Variants in KDM3A observed in about 807,000 individuals in gnomAD.
The protein encoded by KDM3A is lysine demethylase 3A, also known as lysine-specific demethylase 3A.
A neutral mutation model predicts 158.0 loss-of-function variants in KDM3A; 60 were observed. The observed-to-expected ratio is 0.38, with a 90% CI of 0.31 to 0.47. The LOEUF (loss-of-function observed/expected upper bound fraction) is 0.47, where lower values mean the gene tolerates loss of function less well. Among genes scored for constraint, KDM3A ranks in the 20% least tolerant of loss-of-function variants. The pLI is 0.99. For missense variants in KDM3A, 1,319 were observed against 1,574.3 expected (o/e 0.84, Z 2.74); for synonymous variants, 608 against 549.3 (o/e 1.11, Z -1.49).
intron 8 of KDM3A, among the ~76,000 whole-genome samples, chr2:86,463,095 CAAAA>C (rs751748182): frequency 6.6e-6 from 1 of 151,966 alleles, no homozygotes; most frequent in African/African-American, 2.4e-5. Context: ...GTCTCAAAAA[CAAAA>C]AACAAAACAG....
At chr2:86,458,234 A>G (rs1459605641) in intron 8 of KDM3A, among the ~76,000 whole-genome samples, 1 of 152,200 alleles carries the variant, frequency 6.6e-6, no homozygotes, top group Non-Finnish European at 1.5e-5. Flanking sequence ...GAGTCTGTGT[A>G]GCTAGGATGG....
At position 86,443,449 on chromosome 2, in the gene KDM3A, AAGG is replaced by A. The variant is rs1340304300; in HGVS notation, c.186+1222_186+1224del. On this transcript the variant is annotated intron_variant, in intron 2 of 25. Coordinates refer to ENST00000312912, the MANE Select transcript of KDM3A (RefSeq NM_018433.6). ...GTGTTGTGCCTTGTCTCTTGTTGAAAAGGAGGAGTGACCGAAGAGCATTTAACC... is the reference window on the plus strand; with the variant it reads ...GTGTTGTGCCTTGTCTCTTGTTGAAAAGGAGTGACCGAAGAGCATTTAACC... 3 of 152,174 alleles carry A rather than the reference AAGG, an allele frequency of 2.0e-5. No individual in the cohort carries two copies. The South Asian group carries it at 6.2e-4, about 32-fold the overall frequency. 9.4% of individuals were successfully genotyped at this position (152,174 alleles called of 1,614,324 possible).
chr2:86,480,479 C>A, intron 16 of KDM3A, 117 bp downstream of exon 16: 1 of 796,378 alleles, frequency 1.3e-6, no homozygotes, highest in Non-Finnish European at 1.9e-6. Context: ...TGGAGTCATC[C>A]TGGAACCTGC....
chr2:86,478,146 T>G, intron 13 of KDM3A, 24 bp from the exon 14 acceptor site: 3 of 1,610,136 alleles, frequency 1.9e-6, no homozygotes, highest in South Asian at 2.2e-5. Flanking sequence ...TAAAGAACAG[T>G]TACTACAAAT....
At position 86,466,719 on chromosome 2, in the gene KDM3A, C is replaced by T. The variant is rs914451580; in HGVS notation, c.1355C>T (p.Ala452Val). 2 of 1,613,782 alleles carry T rather than the reference C, an allele frequency of 1.2e-6. No individual in the cohort carries two copies. Among genetic ancestry groups the T allele is most frequent in the Non-Finnish European group, 1.7e-6 (2 of 1,179,874 alleles). ...CCTTCCCCATCGGATGTTTCAAATG[C>T]ACCAGAAGTGAAAGCAGGTGTCAAT... The part of the protein sequence containing the change: ...HAPSPSDVSN[A>V]PEVKAGVNSD... The change falls in exon 10 of 26, where the codon GCA becomes GTA. Residue 452 changes from alanine to valine, a missense_variant. Ala to Val is a moderately conservative substitution (Grantham distance 64). Around this residue, in one of 4 missense-constraint regions of KDM3A, gnomAD observed 652 missense variants for 627.2 expected, o/e 1.04. Transcript: ENST00000312912.
chr2:86,474,530 G>C (rs1673562299), intron 11 of KDM3A, among the ~76,000 whole-genome samples: 1 of 152,006 alleles, frequency 6.6e-6, no homozygotes, highest in Non-Finnish European at 1.5e-5. Flanking sequence ...GGGAGTGGTG[G>C]CAGGCGCCTG....
chr2:86,485,693 A>G (rs774938528), intron 20 of KDM3A, 36 bp from the exon 21 acceptor site: 91 of 1,607,172 alleles, frequency 5.7e-5, no homozygotes, highest in African/African-American at 1.2e-4. Flanking sequence ...TAGAAAAGCA[A>G]TCTAACTTTG....
At chr2:86,474,701 T>TGTG (rs1553396794) in intron 11 of KDM3A, 75 bp from the exon 12 acceptor site, 59 of 429,170 alleles carry the variant, frequency 1.4e-4, no homozygotes, top group East Asian at 4.8e-4. Context: ...TGTAAATAAG[T>TGTG]TGTGTGTGTG....
chr2:86,478,097 G>T (rs1002263776), intron 13 of KDM3A, 68 bp downstream of exon 13: 2 of 1,609,690 alleles, frequency 1.2e-6, no homozygotes, highest in African/African-American at 1.3e-5. Flanking sequence ...GTTGATTTGT[G>T]TTTGGCGGGT....
chr2:86,450,095 A>C, intron 3 of KDM3A, 133 bp downstream of exon 3: 2 of 921,344 alleles, frequency 2.2e-6, no homozygotes, highest in Non-Finnish European at 3.2e-6. Flanking sequence ...CCTTTTAAGA[A>C]CTCTGCACTT....
At chr2:86,490,029 G>A (rs1176905548) in intron 23 of KDM3A, 1 of 163,770 alleles carries the variant, frequency 6.1e-6, no homozygotes, top group Non-Finnish European at 1.3e-5. Flanking sequence ...GGCCCTGAGT[G>A]ACCATGTTCT....
chr2:86,472,689 A>G (rs981411909), intron 11 of KDM3A, among the ~76,000 whole-genome samples: 1 of 152,194 alleles, frequency 6.6e-6, no homozygotes, highest in Non-Finnish European at 1.5e-5. Context: ...CTAAAACACA[A>G]CTTTGCATGT....
intron 15 of KDM3A, chr2:86,479,409 T>A (rs960803054): frequency 1.3e-5 from 2 of 152,158 alleles, no homozygotes; most frequent in African/African-American, 2.4e-5. Flanking sequence ...AGAACTGAAT[T>A]TGAGTTCTTT....
chr2:86,452,921 A>G (rs1053864856), intron 4 of KDM3A, among the ~76,000 whole-genome samples: 1 of 152,224 alleles, frequency 6.6e-6, no homozygotes, highest in Non-Finnish European at 1.5e-5. Flanking sequence ...TTCTTGTGTT[A>G]TACCCATCTT....
chr2:86,446,244 T>G (rs958142012), intron 2 of KDM3A, among the ~76,000 whole-genome samples: 2 of 152,188 alleles, frequency 1.3e-5, no homozygotes, highest in African/African-American at 4.8e-5. Context: ...CAATTATAGG[T>G]AGTGAATCAT....
chr2:86,466,455 G>A lies in KDM3A; in HGVS notation c.1091G>A (p.Cys364Tyr), dbSNP rs1302372577. 1 of 1,613,874 alleles carries A rather than the reference G, an allele frequency of 6.2e-7. No homozygotes were observed. The highest frequency in any genetic ancestry group is 1.3e-5 in the African/African-American group (1 of 75,016). The change falls in exon 10 of 26, where the codon TGC becomes TAC. Residue 364 changes from cysteine (C) to tyrosine (Y), a missense_variant. Transcript: ENST00000312912. ...SEALRTKPDV[C>Y]KAGLLSKSSQ... The stretch of plus-strand genomic sequence containing the variant: ...GCTCTGAGAACAAAACCAGATGTCT[G>A]CAAAGCAGGGTTGCTCTCAAAGTCC...
chr2:86,471,829 C>T (rs578185095), intron 11 of KDM3A, among the ~76,000 whole-genome samples: 1 of 152,318 alleles, frequency 6.6e-6, no homozygotes, highest in Admixed American at 6.5e-5. Flanking sequence ...CGTATGTTAA[C>T]ATATGCATAT....
intron 10 of KDM3A, among the ~76,000 whole-genome samples, chr2:86,469,329 C>G (rs111525345): frequency 6.6e-6 from 1 of 152,148 alleles, no homozygotes; most frequent in Non-Finnish European, 1.5e-5. Flanking sequence ...TTTTGACTTT[C>G]GTTTGTTTGC....
chr2:86,478,519 T>A, intron 14 of KDM3A, 89 bp from the exon 15 acceptor site: 1 of 1,425,988 alleles, frequency 7.0e-7, no homozygotes, highest in Non-Finnish European at 9.7e-7. Context: ...AAAGTAATCC[T>A]GTGGGGAATG....
Sources: gnomAD v4.1 joint callset for allele counts (sites outside exome capture counted in the v4.1 genomes callset) on GRCh38, gnomAD v4.1.1 for gene constraint, gnomAD v4.1.1 regional missense constraint, MANE v1.5 for transcripts, NCBI Gene and HGNC (gene_info 2026-07-23, HGNC 2026-07-21) for gene names.